ZNF668: variants seen among roughly 807,000 people sequenced by gnomAD.
ZNF668 encodes zinc finger protein 668.
A neutral mutation model predicts 40.3 loss-of-function variants in ZNF668; 10 were observed. That is an observed-to-expected ratio of 0.25 (90% confidence interval 0.15 to 0.42). The LOEUF is 0.42. Among genes scored for constraint, ZNF668 ranks in the 10% least tolerant of loss-of-function variants. ZNF668 has a pLI of 1.00. For missense variants in ZNF668, 749 were observed against 904.6 expected (o/e 0.83, Z 2.21); for synonymous variants, 428 against 384.6 (o/e 1.11, Z -1.32).
Position 31,073,701 on chromosome 16 carries a change from C to T in ZNF668, c.-65G>A, listed in dbSNP as rs1159136331. The T allele has an allele frequency of 6.6e-6, 1 of 152,244 alleles. No homozygotes were observed. The highest frequency in any genetic ancestry group is 1.5e-5 in the Non-Finnish European group (1 of 68,056). The allele number at this position is 152,244 out of a possible 1,614,324, so 9.4% of individuals were successfully genotyped here. ...GACTCCGTGGCGTCGGCGTCGGCTC[C>T]TCGCACCGACGGAGCCCGGACCCTG... On this transcript the variant is annotated 5_prime_UTR_variant, in exon 1 of 3. Transcript: ENST00000300849.
rs200939264 is a variant in ZNF668 at position 31,063,950 on chromosome 16, G to A, written c.510C>T (p.Cys170=). The part of the protein sequence containing the change: ...RGHTGERPYA[C]ADCGKSFADP... ...CAGCAAAGCTCTTGCCGCAGTCGGC[G>A]CAGGCGTAAGGCCGCTCGCCTGTGT... is the stretch of plus-strand genomic sequence containing the variant. The change falls in exon 2 of 3, where the codon TGC becomes TGT. Residue 170 remains cysteine, a synonymous_variant. Coordinates refer to ENST00000300849, the MANE Select transcript of ZNF668 (RefSeq NM_024706.5). The A allele has an allele frequency of 5.4e-5, 87 of 1,605,906 alleles. No homozygotes were observed. In the East Asian group the frequency reaches 1.5e-3, roughly 28 times the overall value.
chr16:31,073,623 C>T (rs541606644), intron 1 of ZNF668, 36 bp downstream of exon 1: 1 of 152,318 alleles, frequency 6.6e-6, no homozygotes, highest in Admixed American at 6.5e-5. Context: ...TGGGAGCTGC[C>T]CGGGGCCCTC....
At position 31,061,280 on chromosome 16, in the gene ZNF668, C is replaced by G; in HGVS notation, c.1648G>C (p.Gly550Arg). 6.4e-7 allele frequency: 1 copy of G among 1,558,074 alleles called. No homozygotes were observed. The highest frequency in any genetic ancestry group is 8.7e-7 in the Non-Finnish European group (1 of 1,152,028). Residue 550 changes from glycine (G) to arginine (R), a missense_variant, in exon 3 of 3, where the codon GGC (glycine) becomes CGC (arginine). Gly to Arg is a moderately radical substitution (Grantham distance 125, BLOSUM62 -2). Around this residue, in one of 4 missense-constraint regions of ZNF668, gnomAD observed 310 missense variants for 355.1 expected, o/e 0.87. Transcript: ENST00000300849. This position sits in a 1 kb window ranked among gnomAD's most constrained non-coding sequence, Gnocchi z 7.7. ...CCAGCCCGGTCAGAGAAGCTCTTGC[C>G]GCACTGGGTGCAGGGGAAGGGCCGG... ...ELRPFPCTQC[G>R]KSFSDRAGLR...
Position 31,064,429 on chromosome 16 carries a change from G to A in ZNF668, c.31C>T (p.Pro11Ser), listed in dbSNP as rs910995884. The A allele has an allele frequency of 2.2e-5, 36 of 1,612,310 alleles. No homozygotes were observed. Among genetic ancestry groups the A allele is most frequent in the Non-Finnish European group, 2.8e-5 (33 of 1,179,944 alleles). MEVEAAEARS[P>S]APGYKRSGRR... ...CCCGAGCGCTTGTAGCCGGGGGCTGGGGACCGGGCCTCTGCAGCCTCCACT... is the reference window on the plus strand; with the variant it reads ...CCCGAGCGCTTGTAGCCGGGGGCTGAGGACCGGGCCTCTGCAGCCTCCACT... Residue 11 changes from proline (P) to serine (S), a missense_variant, in exon 2 of 3, where the codon CCA (proline) becomes TCA (serine). Around this residue, in one of 4 missense-constraint regions of ZNF668, gnomAD observed 159 missense variants for 139.8 expected, o/e 1.14. Coordinates refer to ENST00000300849, the MANE Select transcript of ZNF668 (RefSeq NM_024706.5).
In ZNF668 at chr16:31,073,801, G is replaced by A. The variant is rs1441330776; in HGVS notation, c.-165C>T. On this transcript the variant is annotated 5_prime_UTR_variant, in exon 1 of 3. Coordinates refer to ENST00000300849, the MANE Select transcript of ZNF668 (RefSeq NM_024706.5). ...CGGTGGCGCGGCGAGCGGAAGTGAG[G>A]GATCTTCCTCAGCTAGGAAGGAAGG... 1 of 152,292 alleles carries A rather than the reference G, an allele frequency of 6.6e-6. No homozygotes were observed. Among genetic ancestry groups the A allele is most frequent in the Non-Finnish European group, 1.5e-5 (1 of 68,112 alleles). 9.4% of individuals were successfully genotyped at this position (152,292 alleles called of 1,614,324 possible). A position where few individuals can be genotyped will look rare whatever the true frequency, so the allele number is the denominator to read the frequency against.
At chr16:31,069,940 A>T (rs1005871720) in intron 1 of ZNF668, among the ~76,000 whole-genome samples, 1 of 146,588 alleles carries the variant, frequency 6.8e-6, no homozygotes, top group Non-Finnish European at 1.5e-5. Flanking sequence ...ACGCCCGGCT[A>T]ATTTTTTGTA....
At chr16:31,064,599 A>T (rs1219689394) in intron 1 of ZNF668, 118 bp from the exon 2 acceptor site, 1 of 1,545,416 alleles carries the variant, frequency 6.5e-7, no homozygotes, top group African/African-American at 1.4e-5. Flanking sequence ...CTTCCTGCCC[A>T]GCATTCCTGG....
At chr16:31,064,900 A>G (rs1170952627) in intron 1 of ZNF668, 14 of 1,407,084 alleles carry the variant, frequency 9.9e-6, no homozygotes, top group Non-Finnish European at 1.1e-5. Flanking sequence ...CAGAAAAGAC[A>G]GACCTGGGAC....
chr16:31,066,344 A>T, intron 1 of ZNF668: 1 of 985,442 alleles, frequency 1.0e-6, no homozygotes, highest in African/African-American at 1.7e-5. Context: ...GTTTGGCCCC[A>T]ATCCCACAAA....
intron 1 of ZNF668, among the ~76,000 whole-genome samples, chr16:31,068,237 A>AT (rs1157096591): frequency 2.5e-5 from 2 of 80,306 alleles, no homozygotes; most frequent in African/African-American, 1.3e-4. Flanking sequence ...AAAAAAAAAA[A>AT]AAATATATAT....
chr16:31,072,996 C>T (rs2057027959), intron 1 of ZNF668: 1 of 152,262 alleles, frequency 6.6e-6, no homozygotes, highest in African/African-American at 2.4e-5. Context: ...AAAATGGGGT[C>T]CCTTAAGTTT....
intron 2 of ZNF668, 39 bp from the exon 3 acceptor site, chr16:31,062,319 C>G: frequency 6.5e-7 from 1 of 1,548,910 alleles, no homozygotes; most frequent in Non-Finnish European, 8.7e-7. Flanking sequence ...AGGCGACAGA[C>G]CCATAACGTG....
chr16:31,063,925 C>T lies in ZNF668; in HGVS notation c.535G>A (p.Asp179Asn), dbSNP rs776748657. ...ACADCGKSFADPSVFRKHRRT... is the reference protein window; with the variant it reads ...ACADCGKSFANPSVFRKHRRT... ...CGGTGCTTGCGGAACACTGAAGGGT[C>T]AGCAAAGCTCTTGCCGCAGTCGGCG... The change falls in exon 2 of 3, where the codon GAC (aspartate) becomes AAC (asparagine). Residue 179 changes from aspartate to asparagine, a missense_variant. Asp to Asn is a conservative substitution (Grantham distance 23). Coordinates refer to ENST00000300849, the MANE Select transcript of ZNF668 (RefSeq NM_024706.5). 2 of 1,598,494 alleles carry T rather than the reference C, an allele frequency of 1.3e-6. No individual in the cohort carries two copies. Among genetic ancestry groups the T allele is most frequent in the Admixed American group, 1.7e-5 (1 of 57,340 alleles).
chr16:31,064,225 C>A lies in ZNF668; in HGVS notation c.235G>T (p.Ala79Ser). 1 of 1,613,168 alleles carries A rather than the reference C, an allele frequency of 6.2e-7. No homozygotes were observed. Among genetic ancestry groups the A allele is most frequent in the East Asian group, 2.2e-5 (1 of 44,876 alleles). Residue 79 changes from alanine to serine, a missense_variant, in exon 2 of 3, where the codon GCC (alanine) becomes TCC (serine). Physicochemically the swap from Ala to Ser is moderately conservative, Grantham distance 99. Around this residue, in one of 4 missense-constraint regions of ZNF668, gnomAD observed 159 missense variants for 139.8 expected, o/e 1.14. Transcript: ENST00000300849. ...ASGEKVSGSA[A>S]KPRPYACPLC... ...GGACACGCATAGGGCCTAGGCTTGG[C>A]CGCGGAGCCTGACACCTTCTCCCCA...
intron 2 of ZNF668, among the ~76,000 whole-genome samples, chr16:31,063,300 T>G (rs1289942664): frequency 6.6e-6 from 1 of 151,992 alleles, no homozygotes; most frequent in Admixed American, 6.6e-5. Context: ...GCTCGGGTAA[T>G]TTTTTTATTT....
In ZNF668 at chr16:31,061,261, C is replaced by T. The variant is rs148738674; in HGVS notation, c.1667G>A (p.Arg556Gln). ...GCGGCTGTGTTTGCGCAGCCCAGCC[C>T]GGTCAGAGAAGCTCTTGCCGCACTG... ...CTQCGKSFSD[R>Q]AGLRKHSRTH... is the part of the protein sequence containing the mutation. Residue 556 changes from arginine (R) to glutamine (Q), a missense_variant, in exon 3 of 3, where the codon CGG becomes CAG. Coordinates refer to ENST00000300849, the MANE Select transcript of ZNF668 (RefSeq NM_024706.5). The surrounding 1 kb of genome is among the most constrained non-coding windows in gnomAD (Gnocchi z 7.7). The T allele has an allele frequency of 5.2e-6, 8 of 1,549,020 alleles. No homozygotes were observed. The highest frequency in any genetic ancestry group is 1.2e-5 in the South Asian group (1 of 80,250).
intron 1 of ZNF668, among the ~76,000 whole-genome samples, chr16:31,068,266 A>ATATATATATATGT (rs1348939812): frequency 8.0e-6 from 1 of 125,216 alleles, no homozygotes; most frequent in African/African-American, 3.0e-5. Context: ...ATATATATAT[A>ATATATATATATGT]ATTTTTGAGA....
intron 1 of ZNF668, chr16:31,072,872 G>GA (rs2143784276): frequency 6.6e-6 from 1 of 152,466 alleles, no homozygotes; most frequent in South Asian, 2.1e-4. Flanking sequence ...TCTCCAACGG[G>GA]AAAGCCCCTT....
chr16:31,068,521 CTTTTT>C (rs11311964), intron 1 of ZNF668, among the ~76,000 whole-genome samples: 1 of 140,922 alleles, frequency 7.1e-6, no homozygotes, highest in African/African-American at 2.6e-5. Flanking sequence ...CACGCCCAGA[CTTTTT>C]TTTTTTTTTT....
Sources: gnomAD v4.1 joint callset for allele counts (sites outside exome capture counted in the v4.1 genomes callset) on GRCh38, gnomAD v4.1.1 for gene constraint, gnomAD v4.1.1 regional missense constraint, Gnocchi (gnomAD v3.1) non-coding constraint, MANE v1.5 for transcripts, NCBI Gene and HGNC (gene_info 2026-07-23, HGNC 2026-07-21) for gene names.